Variants in ITGA7 observed in about 807,000 individuals in gnomAD.
The protein encoded by ITGA7 is integrin subunit alpha 7, also known as integrin alpha-7.
Under a neutral mutation model 131.6 loss-of-function variants are expected in ITGA7, and 84 were observed. The ratio of observed to expected loss-of-function variants is 0.64; its 90% confidence interval spans 0.54 to 0.77. The LOEUF (loss-of-function observed/expected upper bound fraction) is 0.77, where lower values mean the gene tolerates loss of function less well. Among genes scored for constraint, ITGA7 ranks in the 30% least tolerant of loss-of-function variants. The pLI, the probability that ITGA7 is intolerant of heterozygous loss-of-function variation, is 0.00. For synonymous variants in ITGA7, 548 were observed against 600.7 expected (o/e 0.91, Z 1.28); for missense variants, 1,399 against 1,482.9 (o/e 0.94, Z 0.93).
At chr12:55,696,262 T>C in intron 13 of ITGA7, 21 bp downstream of exon 13, 1 of 1,557,026 alleles carries the variant, frequency 6.4e-7, no homozygotes, top group African/African-American at 1.4e-5. Context: ...CCCCCTGGGC[T>C]AAACCAGAAC....
At chr12:55,697,101 G>C (rs1204030521) in intron 11 of ITGA7, 33 bp from the exon 12 acceptor site, 4 of 1,606,072 alleles carry the variant, frequency 2.5e-6, no homozygotes, top group Non-Finnish European at 3.4e-6. Flanking sequence ...GAGCTGCTGA[G>C]CTGCAGAGCT....
chr12:55,691,615 AAATAC>A (rs1349251781), intron 21 of ITGA7, among the ~76,000 whole-genome samples: 2 of 152,254 alleles, frequency 1.3e-5, no homozygotes, highest in Non-Finnish European at 2.9e-5. Flanking sequence ...TTAAATAAAT[AAATAC>A]ATTTTAACAT....
rs777451342 is a variant in ITGA7, at chr12:55,707,503, C to T, written c.180G>A (p.Arg60=). The T allele has an allele frequency of 6.2e-7, 1 of 1,613,702 alleles. No individual in the cohort carries two copies. Among genetic ancestry groups the T allele is most frequent in the Middle Eastern group, 1.7e-4 (1 of 6,036 alleles). The change falls in exon 1 of 25, where the codon CGG becomes CGA. Residue 60 remains arginine (R), a synonymous_variant. Coordinates refer to ENST00000257879, the MANE Select transcript of ITGA7 (RefSeq NM_002206.3). ...AGCTCTGGGGTCGGGGCTGCAACTG[C>T]CGGTGCAGGGCCACAGAGAAGCCGA... is the stretch of plus-strand genomic sequence containing the variant. The part of the protein sequence containing the change: ...SLFGFSVALH[R]QLQPRPQSWL...
intron 7 of ITGA7, 40 bp from the exon 8 acceptor site, chr12:55,698,066 G>C (rs780013440): frequency 6.3e-7 from 1 of 1,585,166 alleles, no homozygotes; most frequent in South Asian, 1.1e-5. Flanking sequence ...CTGGCTGGGG[G>C]CCTTGCAGAC....
upstream of ITGA7, among the ~76,000 whole-genome samples, chr12:55,715,134 C>T (rs192592671): frequency 6.6e-6 from 1 of 152,306 alleles, no homozygotes; most frequent in East Asian, 1.9e-4. Flanking sequence ...GCTGGGATTA[C>T]GGGCGTGAGC....
intron 20 of ITGA7, 53 bp downstream of exon 20, chr12:55,693,088 C>T: frequency 1.2e-6 from 2 of 1,610,656 alleles, no homozygotes; most frequent in African/African-American, 2.7e-5. Context: ...ACTACCCTTA[C>T]TCCCCATAAC....
At chr12:55,713,040 C>T (rs143177784), upstream of ITGA7, among the ~76,000 whole-genome samples, 103 of 150,716 alleles carry the variant, frequency 6.8e-4, 1 homozygote, top group East Asian at 0.02. Context: ...CCAACACTAA[C>T]CCCCATTAGC....
At chr12:55,710,323 T>C (rs1875967753), upstream of ITGA7, among the ~76,000 whole-genome samples, 1 of 151,022 alleles carries the variant, frequency 6.6e-6, no homozygotes, top group South Asian at 2.1e-4. Flanking sequence ...ATGGCACCAC[T>C]GCACTCCAGC....
rs1872152681 is a variant in ITGA7 at position 55,694,391 on chromosome 12, T to G, written c.2357+52A>C. 2 of 1,612,836 alleles carry G rather than the reference T, an allele frequency of 1.2e-6. No individual in the cohort carries two copies. Among genetic ancestry groups the G allele is most frequent in the East Asian group, 2.2e-5 (1 of 44,868 alleles). The stretch of plus-strand genomic sequence containing the variant: ...CACAGGCACCTCCCAAGGGGTCAGA[T>G]GAGGTCAATATGACTACCCCCACCT... On this transcript the variant is annotated intron_variant, in intron 17 of 24. Coordinates refer to ENST00000257879, the MANE Select transcript of ITGA7 (RefSeq NM_002206.3). The surrounding 1 kb of genome is among the most constrained non-coding windows in gnomAD (Gnocchi z 5.3).
At position 55,697,046 on chromosome 12, in the gene ITGA7, C is replaced by T. The variant is rs745575666; in HGVS notation, c.1590G>A (p.Ala530=). The T allele has an allele frequency of 1.2e-6, 2 of 1,613,976 alleles. No homozygotes were observed. Among genetic ancestry groups the T allele is most frequent in the Non-Finnish European group, 1.7e-6 (2 of 1,179,962 alleles). ...PTVALDYVLD[A]DTDRRLRGQV... ...GGCCCCGGAGCCTCCGGTCTGTGTC[C>T]GCATCTAACACATAGTCCAGGGCTG... is the stretch of plus-strand genomic sequence containing the variant. The change falls in exon 12 of 25, where the codon GCG becomes GCA. Residue 530 remains alanine (A), a synonymous_variant. Coordinates refer to ENST00000257879, the MANE Select transcript of ITGA7 (RefSeq NM_002206.3).
chr12:55,696,451 A>G lies in ITGA7; in HGVS notation c.1738-19T>C, dbSNP rs757508261. 6 of 1,587,958 alleles carry G rather than the reference A, an allele frequency of 3.8e-6. No individual in the cohort carries two copies. The highest frequency in any genetic ancestry group is 2.3e-5 in the South Asian group (2 of 87,512). On this transcript the variant is annotated intron_variant, in intron 12 of 24. Transcript: ENST00000257879. ...CATTTTCCTAGGAAGAGGAAGGTCT[A>G]TTCCTCACTGGAACAATCCCCAGGC...
chr12:55,686,348 G>A (rs761253431), intron 24 of ITGA7: 1 of 1,232,808 alleles, frequency 8.1e-7, no homozygotes, highest in South Asian at 1.2e-5. Context: ...GGCAGAGGAA[G>A]CAGAGGATGG....
chr12:55,696,221 AG>A, intron 13 of ITGA7, 61 bp downstream of exon 13: 1 of 1,512,746 alleles, frequency 6.6e-7, no homozygotes. Context: ...GTCACTGGGG[AG>A]GGACCATGAT....
At position 55,687,169 on chromosome 12, in the gene ITGA7, CTTTTTTTTTTTTTTT is replaced by C. The variant is rs1187388992; in HGVS notation, c.3183+787_3183+801del. Among the ~76,000 whole-genome samples, 6 of 88,178 alleles carry C rather than the reference CTTTTTTTTTTTTTTT, an allele frequency of 6.8e-5. No individual in the cohort carries two copies. In the South Asian group the frequency reaches 2.3e-3, roughly 34 times the overall value. 57.8% of individuals were successfully genotyped at this position (88,178 alleles called of 152,430 possible). A position where few individuals can be genotyped will look rare whatever the true frequency, so the allele number is the denominator to read the frequency against. On this transcript the variant is annotated intron_variant, in intron 24 of 24. Transcript: ENST00000257879. ...TGAGAACGAGATCTGCATCTGATTT[CTTTTTTTTTTTTTTT>C]TTTTTTTTTTTGAGACAGAGTCCTG...
intron 21 of ITGA7, among the ~76,000 whole-genome samples, chr12:55,690,363 A>T (rs1367644024): frequency 6.6e-6 from 1 of 151,452 alleles, no homozygotes; most frequent in Non-Finnish European, 1.5e-5. Flanking sequence ...CAAAAAACAC[A>T]TGAAAAAATG....
At chr12:55,702,203 G>A (rs1252803284) in intron 3 of ITGA7, among the ~76,000 whole-genome samples, 11 of 143,592 alleles carry the variant, frequency 7.7e-5, no homozygotes, top group African/African-American at 1.5e-4. Flanking sequence ...TTTTTGAGAC[G>A]GAGTCTCGCT....
intron 7 of ITGA7, 173 bp from the exon 8 acceptor site, chr12:55,698,199 T>A: frequency 3.6e-6 from 3 of 827,704 alleles, no homozygotes; most frequent in Admixed American, 2.5e-5. Context: ...CCTGCAGATA[T>A]TACTAACGCA....
At chr12:55,715,177 A>T (rs1876425959), upstream of ITGA7, among the ~76,000 whole-genome samples, 1 of 152,182 alleles carries the variant, frequency 6.6e-6, no homozygotes, top group South Asian at 2.1e-4. Context: ...CATTTTTATA[A>T]GCCTTGTGAT....
intron 1 of ITGA7, among the ~76,000 whole-genome samples, chr12:55,704,064 C>T (rs1592482628): frequency 6.6e-6 from 1 of 152,178 alleles, no homozygotes; most frequent in Non-Finnish European, 1.5e-5. Flanking sequence ...TGGGGCTGAA[C>T]CCCCAAGCCA....
Sources: allele counts gnomAD v4.1 joint callset (sites outside exome capture counted in the v4.1 genomes callset), GRCh38; gene constraint gnomAD v4.1.1; non-coding constraint Gnocchi (gnomAD v3.1); transcripts MANE v1.5; gene names NCBI Gene and HGNC (gene_info 2026-07-23, HGNC 2026-07-21).